The following CPEB1 variants were observed in gnomAD, a reference collection of about 807,000 sequenced individuals.
The protein encoded by CPEB1 is cytoplasmic polyadenylation element-binding protein 1.
A neutral mutation model predicts 65.8 loss-of-function variants in CPEB1; 7 were observed. The ratio of observed to expected loss-of-function variants is 0.11; its 90% CI spans 0.06 to 0.20. The LOEUF is 0.20. CPEB1 is among the 10% of genes least tolerant of loss of function. The pLI is 1.00. For missense variants in CPEB1, 551 were observed against 712.2 expected, an observed-to-expected ratio of 0.77 and a Z score of 2.58; for synonymous variants, 262 against 260.0, an observed-to-expected ratio of 1.01 and a Z score of -0.08.
At chr15:82,567,942 G>T (rs1414639024) in intron 4 of CPEB1, among the ~76,000 whole-genome samples, 1 of 152,184 alleles carries the variant, frequency 6.6e-6, no homozygotes, top group Non-Finnish European at 1.5e-5. Context: ...GGATCAAGAT[G>T]GGGCTGGAAC....
intron 4 of CPEB1, among the ~76,000 whole-genome samples, chr15:82,563,828 A>T (rs2038653088): frequency 6.7e-6 from 1 of 150,198 alleles, no homozygotes; most frequent in Non-Finnish European, 1.5e-5. Flanking sequence ...AATTATTTCC[A>T]TTTTTTTTTA....
intron 9 of CPEB1, among the ~76,000 whole-genome samples, chr15:82,552,002 T>C (rs777358947): frequency 2.6e-5 from 4 of 152,060 alleles, no homozygotes; most frequent in Non-Finnish European, 5.9e-5. Context: ...AAGCCCTGAA[T>C]AAGAATGAAG....
chr15:82,601,942 G>C (rs117032495), intron 3 of CPEB1, among the ~76,000 whole-genome samples: 2,687 of 152,246 alleles, frequency 0.018, 30 homozygotes, highest in Non-Finnish European at 0.026. Context: ...GTAATTGATA[G>C]AATAAGCATA....
upstream of CPEB1, chr15:82,647,623 G>A: frequency 3.0e-6 from 1 of 337,068 alleles, no homozygotes; most frequent in Non-Finnish European, 5.3e-6. Flanking sequence ...CCGCAGGGCT[G>A]CGGCGCCTTT....
intron 3 of CPEB1, among the ~76,000 whole-genome samples, chr15:82,585,837 G>A (rs2041751561): frequency 6.6e-6 from 1 of 152,050 alleles, no homozygotes; most frequent in African/African-American, 2.4e-5. Context: ...ATGCATTTGT[G>A]AACACTGTTA....
chr15:82,591,664 T>G (rs2042265128), intron 3 of CPEB1, among the ~76,000 whole-genome samples: 1 of 152,110 alleles, frequency 6.6e-6, no homozygotes. Context: ...CATGTCCTTT[T>G]CAGGACACTA....
chr15:82,642,120 C>T (rs1325946422), intron 1 of CPEB1, among the ~76,000 whole-genome samples: 1 of 152,190 alleles, frequency 6.6e-6, no homozygotes, highest in Non-Finnish European at 1.5e-5. Context: ...GTCCTATCTT[C>T]AACATAAAAA....
At chr15:82,605,890 TA>T (rs1056844548) in intron 3 of CPEB1, among the ~76,000 whole-genome samples, 1 of 151,548 alleles carries the variant, frequency 6.6e-6, no homozygotes, top group African/African-American at 2.4e-5. Context: ...AATACAAAAT[TA>T]GCCAGGTGTG....
intron 3 of CPEB1, among the ~76,000 whole-genome samples, chr15:82,615,435 T>C (rs1195654909): frequency 6.6e-6 from 1 of 152,202 alleles, no homozygotes; most frequent in Non-Finnish European, 1.5e-5. Context: ...TTGTCAACTA[T>C]GTAGCAGAAG....
intron 1 of CPEB1, among the ~76,000 whole-genome samples, chr15:82,633,416 A>G (rs898569149): frequency 1.3e-5 from 2 of 152,234 alleles, no homozygotes; most frequent in Non-Finnish European, 2.9e-5. Context: ...CTTGTCGCCC[A>G]CGCTGGAGCG....
At chr15:82,608,560 T>C (rs1213529839) in intron 3 of CPEB1, among the ~76,000 whole-genome samples, 2 of 152,178 alleles carry the variant, frequency 1.3e-5, no homozygotes, top group South Asian at 2.1e-4. Flanking sequence ...CCACAAAGAA[T>C]GTTGTTCTTA....
chr15:82,557,176 C>G (rs935116365), intron 5 of CPEB1, among the ~76,000 whole-genome samples: 1 of 152,140 alleles, frequency 6.6e-6, no homozygotes, highest in African/African-American at 2.4e-5. Flanking sequence ...GAAGACCACA[C>G]GCATCATACA....
intron 3 of CPEB1, among the ~76,000 whole-genome samples, chr15:82,587,051 T>C (rs188058955): frequency 3.9e-4 from 60 of 152,220 alleles, no homozygotes; most frequent in African/African-American, 1.3e-3. Context: ...AAATTCAACA[T>C]AGGAAAAGAT....
chr15:82,576,014 A>G (rs1453653158), intron 3 of CPEB1, among the ~76,000 whole-genome samples: 2 of 152,246 alleles, frequency 1.3e-5, no homozygotes, highest in Admixed American at 6.5e-5. Context: ...TATGTCTAAT[A>G]AAACACCTGT....
At chr15:82,567,126 G>C (rs17271041) in intron 4 of CPEB1, among the ~76,000 whole-genome samples, 2,717 of 152,328 alleles carry the variant, frequency 0.018, 29 homozygotes, top group Middle Eastern at 0.065. Flanking sequence ...AGATTTACAA[G>C]AGACCTGGTT....
Position 82,613,939 on chromosome 15 carries a change from G to A in CPEB1, c.271+13254C>T, listed in dbSNP as rs2151260993. ...GACTGGCCTCCTTGGGAGGCTCCCA[G>A]GATCCTCTTCAGCCTCGCTGCTTCT... On this transcript the variant is annotated intron_variant, in intron 3 of 12. Transcript: ENST00000684509. 2.6e-5 allele frequency among the ~76,000 whole-genome samples: 4 copies of A among 152,080 alleles called. No individual in the cohort carries two copies. In the Middle Eastern group the frequency reaches 0.014, roughly 517 times the overall value.
intron 1 of CPEB1, among the ~76,000 whole-genome samples, chr15:82,636,781 C>G (rs184901034): frequency 1.6e-3 from 246 of 152,238 alleles, no homozygotes; most frequent in African/African-American, 5.7e-3. Context: ...AAAGGCAGAC[C>G]CGTATCACAC....
chr15:82,550,171 A>G (rs998827008), intron 9 of CPEB1, among the ~76,000 whole-genome samples: 1 of 152,176 alleles, frequency 6.6e-6, no homozygotes, highest in African/African-American at 2.4e-5. Context: ...AGCAGTGGAA[A>G]TGACTGGCGA....
intron 5 of CPEB1, chr15:82,557,523 G>A: frequency 2.2e-6 from 1 of 454,498 alleles, no homozygotes; most frequent in Non-Finnish European, 3.9e-6. Flanking sequence ...CTAGTAAAAT[G>A]AGAGTCCTGA....
Sources: allele counts gnomAD v4.1 joint callset (sites outside exome capture counted in the v4.1 genomes callset), GRCh38; gene constraint gnomAD v4.1.1; transcripts MANE v1.5; gene names NCBI Gene and HGNC (gene_info 2026-07-23, HGNC 2026-07-21).